BMPR2: variants seen among roughly 807,000 people sequenced by gnomAD.
BMPR2 encodes bone morphogenetic protein receptor type-2.
Under a neutral mutation model 100.8 loss-of-function variants are expected in BMPR2, and 29 were observed. The ratio of observed to expected loss-of-function variants is 0.29; its 90% CI spans 0.21 to 0.39. BMPR2 has a LOEUF of 0.39. BMPR2 is among the 10% of genes least tolerant of loss of function. The probability of loss-of-function intolerance (pLI) is 1.00; values close to 1 mark genes in which losing one functional copy is unlikely to be tolerated. For missense variants in BMPR2, 1,011 were observed against 1,274.5 expected (o/e 0.79, Z 3.15); for synonymous variants, 382 against 442.3 (o/e 0.86, Z 1.71).
chr2:202,400,291 A>G (rs1038822740), intron 1 of BMPR2, among the ~76,000 whole-genome samples: 2 of 149,288 alleles, frequency 1.3e-5, no homozygotes, highest in African/African-American at 4.9e-5. Flanking sequence ...ACAGGTGTAT[A>G]CCACCATGCC....
At chr2:202,432,542 C>G (rs956563810) in intron 1 of BMPR2, among the ~76,000 whole-genome samples, 3 of 150,472 alleles carry the variant, frequency 2.0e-5, no homozygotes, top group African/African-American at 7.5e-5. Flanking sequence ...AAAGAATCAT[C>G]TGGCACAAAA....
chr2:202,439,903 G>A (rs753661421), intron 1 of BMPR2, among the ~76,000 whole-genome samples: 5 of 150,322 alleles, frequency 3.3e-5, no homozygotes, highest in South Asian at 4.2e-4. Context: ...GCGGCCTTCC[G>A]CAGTGTTTGT....
At chr2:202,493,342 C>T (rs1453703043) in intron 3 of BMPR2, among the ~76,000 whole-genome samples, 1 of 151,906 alleles carries the variant, frequency 6.6e-6, no homozygotes, top group Non-Finnish European at 1.5e-5. Flanking sequence ...TCTGTTCTAT[C>T]ATATCTAAAA....
Position 202,495,426 on chromosome 2 carries a change from C to A in BMPR2, c.419-18293C>A, listed in dbSNP as rs986809094. Among the ~76,000 whole-genome samples the A allele has an allele frequency of 3.3e-5, 5 of 152,184 alleles. No individual in the cohort carries two copies. The highest frequency in any genetic ancestry group is 1.2e-4 in the African/African-American group (5 of 41,444). ...CGGCGTGCGGGTGCCTATCGTTGTG[C>A]TCTTCTGCTGGCGTGCTCCTCTCGA... On this transcript the variant is annotated intron_variant, in intron 3 of 12. Transcript: ENST00000374580. This position sits in a 1 kb window ranked among gnomAD's most constrained non-coding sequence, Gnocchi z 4.5.
At chr2:202,384,813 G>A (rs1238958302) in intron 1 of BMPR2, among the ~76,000 whole-genome samples, 8 of 151,800 alleles carry the variant, frequency 5.3e-5, no homozygotes, top group African/African-American at 9.7e-5. Flanking sequence ...GGCTGGTCTC[G>A]AACTCCCGAC....
At chr2:202,504,740 C>T (rs189237189) in intron 3 of BMPR2, among the ~76,000 whole-genome samples, 59 of 140,198 alleles carry the variant, frequency 4.2e-4, no homozygotes, top group African/African-American at 1.5e-3. Context: ...AGTGCAGTGG[C>T]GCAATCTCTG....
chr2:202,455,951 G>GCTA (rs1692088963), intron 1 of BMPR2, among the ~76,000 whole-genome samples: 1 of 149,898 alleles, frequency 6.7e-6, no homozygotes, highest in Admixed American at 6.6e-5. Context: ...TGTAGTCCCA[G>GCTA]CTACTTGGGA....
At chr2:202,540,658 T>C (rs1688252602) in intron 9 of BMPR2, among the ~76,000 whole-genome samples, 1 of 152,216 alleles carries the variant, frequency 6.6e-6, no homozygotes. Context: ...AACATAAACT[T>C]ATTTGTAATG....
At chr2:202,441,014 C>G (rs1424474707) in intron 1 of BMPR2, among the ~76,000 whole-genome samples, 1 of 150,296 alleles carries the variant, frequency 6.7e-6, no homozygotes, top group Admixed American at 6.6e-5. Context: ...GAGTCTTGCT[C>G]TGGTCACCCA....
chr2:202,464,184 AT>A (rs890258079), intron 1 of BMPR2, among the ~76,000 whole-genome samples: 38 of 148,040 alleles, frequency 2.6e-4, no homozygotes, highest in African/African-American at 7.1e-4. Flanking sequence ...AAAAAAAAGA[AT>A]TTTTTTTTAT....
chr2:202,388,799 A>AAAT (rs1553493902), intron 1 of BMPR2, among the ~76,000 whole-genome samples: 1 of 152,016 alleles, frequency 6.6e-6, no homozygotes, highest in African/African-American at 2.4e-5. Context: ...AAAAAAAAAA[A>AAAT]AAAGCAAGAT....
chr2:202,567,091 G>T lies in BMPR2; in HGVS notation c.*7145G>T, dbSNP rs991398036. ...ATTTCATTTCCATAGAGATTATATT[G>T]TATCAGTGTTTATGTAAGCTGGAAT... On this transcript the variant is annotated 3_prime_UTR_variant, in exon 13 of 13. Transcript: ENST00000374580. 1 of 152,034 alleles carries T rather than the reference G, an allele frequency of 6.6e-6. No homozygotes were observed. The highest frequency in any genetic ancestry group is 6.6e-5 in the Admixed American group (1 of 15,258). 9.4% of individuals were successfully genotyped at this position (152,034 alleles called of 1,614,324 possible).
At chr2:202,557,480 C>T (rs1688598440) in intron 12 of BMPR2, among the ~76,000 whole-genome samples, 2 of 147,876 alleles carry the variant, frequency 1.4e-5, no homozygotes, top group South Asian at 4.6e-4. Context: ...CACACACACA[C>T]ACACACACAC....
At chr2:202,443,550 C>CTCTT (rs1691790058) in intron 1 of BMPR2, among the ~76,000 whole-genome samples, 1 of 149,298 alleles carries the variant, frequency 6.7e-6, no homozygotes, top group Non-Finnish European at 1.5e-5. Context: ...TTCTGTCTCT[C>CTCTT]TCTTTCTCTC....
intron 1 of BMPR2, among the ~76,000 whole-genome samples, chr2:202,434,050 C>T (rs1001194441): frequency 6.6e-6 from 1 of 150,560 alleles, no homozygotes. Context: ...AAAACAATAG[C>T]GAACATCACA....
chr2:202,452,832 G>A (rs1692015252), intron 1 of BMPR2, among the ~76,000 whole-genome samples: 1 of 152,156 alleles, frequency 6.6e-6, no homozygotes, highest in African/African-American at 2.4e-5. Context: ...AGAATTATGG[G>A]GATTGTGTGC....
chr2:202,457,586 AGAGAGAGT>A, intron 1 of BMPR2, among the ~76,000 whole-genome samples: 1 of 148,412 alleles, frequency 6.7e-6, no homozygotes, highest in Non-Finnish European at 1.5e-5. Flanking sequence ...AGAGAGAGAG[AGAGAGAGT>A]ATTATAGATA....
chr2:202,554,779 T>G (rs1688533905), intron 11 of BMPR2, among the ~76,000 whole-genome samples: 1 of 152,230 alleles, frequency 6.6e-6, no homozygotes, highest in Admixed American at 6.5e-5. Flanking sequence ...ACCTAAAAGC[T>G]TATATTCTTT....
intron 1 of BMPR2, among the ~76,000 whole-genome samples, chr2:202,454,770 A>G (rs2105950569): frequency 6.6e-6 from 1 of 152,360 alleles, no homozygotes; most frequent in Middle Eastern, 3.4e-3. Context: ...TGCACTATCT[A>G]AAATAGCACT....
Sources: gnomAD v4.1 joint callset for allele counts (sites outside exome capture counted in the v4.1 genomes callset) on GRCh38, gnomAD v4.1.1 for gene constraint, Gnocchi (gnomAD v3.1) non-coding constraint, MANE v1.5 for transcripts, NCBI Gene and HGNC (gene_info 2026-07-23, HGNC 2026-07-21) for gene names.